The following DNAI7 variants were observed in gnomAD, a reference collection of about 807,000 sequenced individuals.
DNAI7 encodes dynein axonemal intermediate chain 7, also known as cancer susceptibility 1.
In DNAI7, 78 loss-of-function variants were observed where a neutral mutation model predicts 86.6. The observed-to-expected ratio is 0.90, with a 90% CI of 0.75 to 1.09. The LOEUF is 1.09. Ranked by LOEUF, DNAI7 falls within the 50% of genes least tolerant of loss-of-function variation. The probability of loss-of-function intolerance (pLI) is 0.00; values close to 1 mark genes in which losing one functional copy is unlikely to be tolerated. For synonymous variants in DNAI7, 274 were observed against 273.0 expected (o/e 1.00, Z -0.04); for missense variants, 753 against 810.2 (o/e 0.93, Z 0.86).
intron 2 of DNAI7, among the ~76,000 whole-genome samples, chr12:25,188,930 C>G (rs77032505): frequency 6.6e-6 from 1 of 152,180 alleles, no homozygotes; most frequent in African/African-American, 2.4e-5. Context: ...CACACAGGCC[C>G]TCCAGAATGC....
chr12:25,123,635 T>C (rs1196697444), intron 9 of DNAI7, among the ~76,000 whole-genome samples: 1 of 152,204 alleles, frequency 6.6e-6, no homozygotes, highest in Admixed American at 6.5e-5. Flanking sequence ...AATTTGATAA[T>C]CAGCTCTGGT....
In DNAI7 at chr12:25,161,197, A is replaced by C; in HGVS notation, c.22T>G (p.Ser8Ala). The change falls in exon 3 of 16, where the codon TCT becomes GCT. Residue 8 changes from serine to alanine, a missense_variant and splice_region_variant. Physicochemically the swap from Ser to Ala is moderately conservative, Grantham distance 99. Coordinates refer to ENST00000395987, the MANE Select transcript of DNAI7 (RefSeq NM_018272.5). ...GTGACTTTCTTTTTCTTACTGCCAG[A>C]CTTAACAAAGGCCACATCATAAAAA... MGPKAKK[S>A]GSKKKKVTKA... The C allele has an allele frequency of 6.2e-7, 1 of 1,613,414 alleles. No individual in the cohort carries two copies. The highest frequency in any genetic ancestry group is 8.5e-7 in the Non-Finnish European group (1 of 1,179,480).
chr12:25,157,968 G>A (rs1343778433), intron 4 of DNAI7, among the ~76,000 whole-genome samples: 2 of 152,050 alleles, frequency 1.3e-5, no homozygotes, highest in East Asian at 1.9e-4. Context: ...GGTGGCTCAC[G>A]CCTGTAATCC....
At chr12:25,172,003 C>G (rs1042920779) in intron 2 of DNAI7, among the ~76,000 whole-genome samples, 1 of 152,102 alleles carries the variant, frequency 6.6e-6, no homozygotes, top group African/African-American at 2.4e-5. Context: ...CCACAGCCAA[C>G]ATAATACTGA....
In DNAI7 at chr12:25,132,120, G is replaced by T. The variant is rs535606307; in HGVS notation, c.1003-8834C>A. Among the ~76,000 whole-genome samples, 31 of 152,150 alleles carry T rather than the reference G, an allele frequency of 2.0e-4. No individual in the cohort carries two copies. In the South Asian group the frequency reaches 2.3e-3, roughly 11 times the overall value. On this transcript the variant is annotated intron_variant, in intron 9 of 15. Coordinates refer to ENST00000395987, the MANE Select transcript of DNAI7 (RefSeq NM_018272.5). ...CTCAGCACAGAGGCTTATCATGAAC[G>T]TTCCCCCTTTAAAGCCAAAATGGGA...
intron 4 of DNAI7, among the ~76,000 whole-genome samples, chr12:25,155,829 G>C (rs903758882): frequency 6.6e-6 from 1 of 152,220 alleles, no homozygotes; most frequent in African/African-American, 2.4e-5. Context: ...TGCCCGGATG[G>C]ATGGGTGCAG....
At position 25,191,331 on chromosome 12, in the gene DNAI7, G is replaced by A. The variant is rs572343129; in HGVS notation, c.4-700C>T. On this transcript the variant is annotated intron_variant, in intron 1 of 15. Transcript: ENST00000395987. ...TGAGGTGGGAAGATCACTTGAGCCCGGGAGGTCAAGGCTGCAGCGAGCCAT... is the reference window on the plus strand; with the variant it reads ...TGAGGTGGGAAGATCACTTGAGCCCAGGAGGTCAAGGCTGCAGCGAGCCAT... 5.8e-4 allele frequency among the ~76,000 whole-genome samples: 88 copies of A among 152,086 alleles called. 1 individual carries two copies. The highest frequency in any genetic ancestry group is 3.4e-3 in the Middle Eastern group (1 of 294).
At chr12:25,150,124 C>G (rs1279971441) in intron 6 of DNAI7, among the ~76,000 whole-genome samples, 1 of 152,094 alleles carries the variant, frequency 6.6e-6, no homozygotes, top group Non-Finnish European at 1.5e-5. Flanking sequence ...TTTTCAATCC[C>G]CAGTGTAATA....
chr12:25,112,686 G>A (rs1022724569), intron 13 of DNAI7, among the ~76,000 whole-genome samples: 25 of 150,340 alleles, frequency 1.7e-4, no homozygotes, highest in East Asian at 9.9e-4. Context: ...GATTACAGGC[G>A]TGAGCCACCA....
At chr12:25,130,741 T>C (rs778210892) in intron 9 of DNAI7, among the ~76,000 whole-genome samples, 1 of 152,110 alleles carries the variant, frequency 6.6e-6, no homozygotes, top group Non-Finnish European at 1.5e-5. Context: ...AGAAAAAAAA[T>C]TTCTCACAAA....
chr12:25,185,054 C>G (rs1431437681), intron 2 of DNAI7, among the ~76,000 whole-genome samples: 1 of 151,922 alleles, frequency 6.6e-6, no homozygotes, highest in African/African-American at 2.4e-5. Context: ...GGGAGGATCA[C>G]TTGAGCCTGG....
intron 10 of DNAI7, among the ~76,000 whole-genome samples, chr12:25,122,570 A>T (rs1380235921): frequency 6.6e-6 from 1 of 152,198 alleles, no homozygotes; most frequent in African/African-American, 2.4e-5. Context: ...AGTTATGGGG[A>T]AAGAAGCATA....
downstream of DNAI7, chr12:25,107,737 C>T (rs1949298896): frequency 1.4e-5 from 19 of 1,388,824 alleles, no homozygotes; most frequent in South Asian, 2.3e-4. Context: ...GGCAGATCAC[C>T]TGACTGGTGG....
At position 25,108,632 on chromosome 12, in the gene DNAI7, C is replaced by CATTGCTTCCTCAGA; in HGVS notation, c.2071_2084dup (p.Met695IlefsTer42). 6.2e-7 allele frequency: 1 copy of CATTGCTTCCTCAGA among 1,613,490 alleles called. No homozygotes were observed. Among genetic ancestry groups the CATTGCTTCCTCAGA allele is most frequent in the Non-Finnish European group, 8.5e-7 (1 of 1,179,692 alleles). On this transcript the variant is annotated frameshift_variant, in exon 16 of 16. Coordinates refer to ENST00000395987, the MANE Select transcript of DNAI7 (RefSeq NM_018272.5). LOFTEE classifies it low-confidence loss of function (END_TRUNC). ...GACAGTTGGAACTCCTGACTTTCTC[C>CATTGCTTCCTCAGA]ATTGCTTCCTCAGAAGCAAAATCCT...
At chr12:25,130,347 C>CT in intron 9 of DNAI7, among the ~76,000 whole-genome samples, 1 of 151,408 alleles carries the variant, frequency 6.6e-6, no homozygotes, top group East Asian at 2.0e-4. Flanking sequence ...ACCATCCTGA[C>CT]TAACACGGTG....
chr12:25,155,787 G>T (rs1461160227), intron 4 of DNAI7, among the ~76,000 whole-genome samples: 1 of 152,208 alleles, frequency 6.6e-6, no homozygotes, highest in South Asian at 2.1e-4. Flanking sequence ...TAGGGGGAGA[G>T]GTGAAGGGAA....
chr12:25,153,386 A>ACTCCAGC (rs1481057013), intron 6 of DNAI7, among the ~76,000 whole-genome samples: 1 of 152,204 alleles, frequency 6.6e-6, no homozygotes, highest in East Asian at 1.9e-4. Context: ...ACGCCACTGC[A>ACTCCAGC]CTCCAGCCTG....
At chr12:25,125,880 T>C (rs1429521632) in intron 9 of DNAI7, among the ~76,000 whole-genome samples, 1 of 152,090 alleles carries the variant, frequency 6.6e-6, no homozygotes, top group African/African-American at 2.4e-5. Flanking sequence ...CTTTTCCCCA[T>C]TGTTTGTTTT....
chr12:25,139,676 C>T (rs935364207), intron 9 of DNAI7, among the ~76,000 whole-genome samples: 3 of 151,974 alleles, frequency 2.0e-5, no homozygotes, highest in African/African-American at 7.3e-5. Context: ...GGGAGGGGAA[C>T]ATCACACACT....
Sources: allele counts gnomAD v4.1 joint callset (sites outside exome capture counted in the v4.1 genomes callset), GRCh38; gene constraint gnomAD v4.1.1; transcripts MANE v1.5; gene names NCBI Gene and HGNC (gene_info 2026-07-23, HGNC 2026-07-21).